The following LRRTM4 variants were observed in gnomAD, a reference collection of about 807,000 sequenced individuals.
LRRTM4 encodes the protein leucine rich repeat transmembrane neuronal 4.
LRRTM4 carries 25 observed loss-of-function variants against 47.6 expected under a neutral mutation model. The observed-to-expected ratio is 0.53, with a 90% CI of 0.38 to 0.73. LRRTM4 has a LOEUF of 0.73. Among genes scored for constraint, LRRTM4 ranks in the 30% least tolerant of loss-of-function variants. LRRTM4 has a pLI of 0.00. For synonymous variants in LRRTM4, 311 were observed against 269.5 expected, an observed-to-expected ratio of 1.15 and a Z score of -1.51; for missense variants, 638 against 713.4, an observed-to-expected ratio of 0.89 and a Z score of 1.20.
At chr2:77,027,451 A>G (rs1678493727) in intron 3 of LRRTM4, among the ~76,000 whole-genome samples, 1 of 152,206 alleles carries the variant, frequency 6.6e-6, no homozygotes, top group African/African-American at 2.4e-5. Context: ...TAGAAGCATT[A>G]AAATTCTCCT....
At chr2:76,807,400 GTATATAC>G (rs1558667223) in intron 3 of LRRTM4, among the ~76,000 whole-genome samples, 4 of 59,634 alleles carry the variant, frequency 6.7e-5, no homozygotes, top group Admixed American at 2.3e-4. Flanking sequence ...ATATATATAT[GTATATAC>G]GTATATATAT....
intron 3 of LRRTM4, among the ~76,000 whole-genome samples, chr2:77,378,023 T>A (rs187206981): frequency 5.5e-4 from 83 of 152,114 alleles, no homozygotes; most frequent in Middle Eastern, 3.5e-3. Context: ...CTAGAAAAAG[T>A]TCATTTTGCA....
intron 3 of LRRTM4, among the ~76,000 whole-genome samples, chr2:77,208,990 G>A (rs1674218174): frequency 2.0e-5 from 3 of 152,074 alleles, no homozygotes; most frequent in Non-Finnish European, 4.4e-5. Flanking sequence ...TTTACCAGGT[G>A]AAATTTCACC....
chr2:77,510,060 G>A (rs1449066357), intron 3 of LRRTM4, among the ~76,000 whole-genome samples: 1 of 152,018 alleles, frequency 6.6e-6, no homozygotes, highest in African/African-American at 2.4e-5. Flanking sequence ...CCTAATTAAT[G>A]TGTATTTACA....
intron 3 of LRRTM4, among the ~76,000 whole-genome samples, chr2:77,031,481 A>T (rs1678653770): frequency 1.3e-5 from 2 of 152,196 alleles, no homozygotes; most frequent in Non-Finnish European, 2.9e-5. Context: ...ATTTTTCCAC[A>T]TGGCTAAAAA....
At chr2:76,879,609 T>G (rs549435352) in intron 3 of LRRTM4, among the ~76,000 whole-genome samples, 3 of 152,232 alleles carry the variant, frequency 2.0e-5, no homozygotes, top group Non-Finnish European at 4.4e-5. Flanking sequence ...ATTGTTTTCA[T>G]GCCTGTTAAC....
At chr2:77,278,734 T>C (rs2104093254) in intron 3 of LRRTM4, among the ~76,000 whole-genome samples, 1 of 152,136 alleles carries the variant, frequency 6.6e-6, no homozygotes, top group African/African-American at 2.4e-5. Context: ...CATCTTACTT[T>C]ACCAATTTGT....
intron 3 of LRRTM4, among the ~76,000 whole-genome samples, chr2:76,988,877 A>C (rs1017906604): frequency 1.4e-4 from 22 of 151,734 alleles, no homozygotes; most frequent in Non-Finnish European, 2.7e-4. Context: ...GTATGAGGGA[A>C]CTGAAGCTAG....
chr2:77,344,912 G>C (rs1283572412), intron 3 of LRRTM4, among the ~76,000 whole-genome samples: 3 of 151,192 alleles, frequency 2.0e-5, no homozygotes, highest in Non-Finnish European at 3.0e-5. Flanking sequence ...ATCCTTACCA[G>C]ATTTCTTTTC....
At chr2:77,453,057 G>T (rs1676324906) in intron 3 of LRRTM4, among the ~76,000 whole-genome samples, 1 of 150,824 alleles carries the variant, frequency 6.6e-6, no homozygotes, top group African/African-American at 2.4e-5. Flanking sequence ...AAATACTAAA[G>T]TTATTACTGA....
chr2:77,485,437 G>A (rs1045299843), intron 3 of LRRTM4, among the ~76,000 whole-genome samples: 1 of 152,150 alleles, frequency 6.6e-6, no homozygotes, highest in Admixed American at 6.5e-5. Context: ...AAGACCCAGA[G>A]GTTGAAGAAG....
intron 3 of LRRTM4, among the ~76,000 whole-genome samples, chr2:76,953,707 G>C (rs775100304): frequency 1.3e-5 from 2 of 151,888 alleles, no homozygotes; most frequent in Middle Eastern, 3.4e-3. Flanking sequence ...ACCACAATTG[G>C]GATTAAATGC....
chr2:76,928,503 A>T (rs1274846111), intron 3 of LRRTM4, among the ~76,000 whole-genome samples: 1 of 152,134 alleles, frequency 6.6e-6, no homozygotes, highest in African/African-American at 2.4e-5. Context: ...GATATAGAAC[A>T]ATCAGTGGTG....
At chr2:77,382,869 T>C (rs940935079) in intron 3 of LRRTM4, among the ~76,000 whole-genome samples, 3 of 152,102 alleles carry the variant, frequency 2.0e-5, no homozygotes, top group Admixed American at 1.3e-4. Context: ...GGACGAGCCA[T>C]ACGAAAATCC....
At chr2:76,876,350 G>T (rs1055232039) in intron 3 of LRRTM4, among the ~76,000 whole-genome samples, 4 of 152,068 alleles carry the variant, frequency 2.6e-5, no homozygotes, top group African/African-American at 9.7e-5. Context: ...TTGCATTACT[G>T]CATGAAGATT....
At chr2:76,973,347 A>G (rs368598616) in intron 3 of LRRTM4, among the ~76,000 whole-genome samples, 2 of 152,056 alleles carry the variant, frequency 1.3e-5, no homozygotes, top group Non-Finnish European at 2.9e-5. Context: ...TAGATTGAAT[A>G]GCTAACTTTT....
intron 3 of LRRTM4, among the ~76,000 whole-genome samples, chr2:77,091,769 A>C (rs1670649884): frequency 6.7e-6 from 1 of 150,156 alleles, no homozygotes; most frequent in African/African-American, 2.4e-5. Context: ...CCATTACTTC[A>C]ATCAAGCCCA....
At chr2:77,337,362 A>G (rs1266484608) in intron 3 of LRRTM4, among the ~76,000 whole-genome samples, 1 of 152,090 alleles carries the variant, frequency 6.6e-6, no homozygotes, top group Non-Finnish European at 1.5e-5. Context: ...ACAGAATTAG[A>G]ATAAAAATAT....
intron 3 of LRRTM4, among the ~76,000 whole-genome samples, chr2:76,891,220 C>T (rs1673243202): frequency 6.6e-6 from 1 of 151,514 alleles, no homozygotes; most frequent in Non-Finnish European, 1.5e-5. Flanking sequence ...AAAAACAAAA[C>T]AAAAAAATCT....
Sources: gnomAD v4.1 joint callset for allele counts (sites outside exome capture counted in the v4.1 genomes callset) on GRCh38, gnomAD v4.1.1 for gene constraint, MANE v1.5 for transcripts, NCBI Gene and HGNC (gene_info 2026-07-23, HGNC 2026-07-21) for gene names.